Variants in OMA1 observed in about 807,000 individuals in gnomAD.
OMA1 encodes the protein metalloendopeptidase OMA1, mitochondrial.
In OMA1, 38 loss-of-function variants were observed where a neutral mutation model predicts 30.9. The observed-to-expected ratio is 1.23, with a 90% CI of 0.95 to 1.61. The LOEUF (loss-of-function observed/expected upper bound fraction) is 1.61. Among genes scored for constraint, OMA1 ranks in the 40% most tolerant of loss-of-function variants. The probability of loss-of-function intolerance (pLI) is 0.00; values close to 1 mark genes in which losing one functional copy is unlikely to be tolerated. For missense variants in OMA1, 461 were observed against 349.2 expected (o/e 1.32, Z -2.55); for synonymous variants, 173 against 121.9 (o/e 1.42, Z -2.76).
intron 7 of OMA1, among the ~76,000 whole-genome samples, chr1:58,512,679 G>T (rs1341088332): frequency 6.6e-6 from 1 of 152,190 alleles, no homozygotes. Context: ...CCACTTACAT[G>T]TGGTATGTAT....
chr1:58,530,783 G>A (rs1019702811), intron 5 of OMA1, 54 bp from the exon 6 acceptor site: 1 of 828,280 alleles, frequency 1.2e-6, no homozygotes, highest in African/African-American at 1.7e-5. Context: ...GACAGTATAT[G>A]CTTACATTTT....
At chr1:58,509,065 A>T (rs1646032851) in intron 7 of OMA1, among the ~76,000 whole-genome samples, 1 of 152,162 alleles carries the variant, frequency 6.6e-6, no homozygotes, top group Admixed American at 6.5e-5. Flanking sequence ...TGCTGTGCTG[A>T]CTGGTGAAGA....
chr1:58,533,510 A>G (rs984745415), intron 5 of OMA1, among the ~76,000 whole-genome samples: 1 of 152,198 alleles, frequency 6.6e-6, no homozygotes, highest in Non-Finnish European at 1.5e-5. Context: ...TACACATGAC[A>G]CATCATTCTA....
At chr1:58,488,799 C>G (rs1385068639) in intron 8 of OMA1, among the ~76,000 whole-genome samples, 1 of 152,224 alleles carries the variant, frequency 6.6e-6, no homozygotes, top group Non-Finnish European at 1.5e-5. Context: ...TTCCCCTGAG[C>G]CCCCAAAGTC....
intron 3 of OMA1, among the ~76,000 whole-genome samples, chr1:58,536,081 A>G (rs933861061): frequency 1.3e-5 from 2 of 152,164 alleles, no homozygotes; most frequent in African/African-American, 4.8e-5. Context: ...TGTTACTCTC[A>G]TGAGTGCTTT....
Position 58,499,252 on chromosome 1 carries a change from G to C in OMA1, c.1365+6808C>G, listed in dbSNP as rs116781756. 4.2e-3 allele frequency among the ~76,000 whole-genome samples: 630 copies of C among 149,752 alleles called. 6 individuals carry two copies. Among genetic ancestry groups the C allele is most frequent in the African/African-American group, 0.015 (602 of 40,554 alleles). On this transcript the variant is annotated intron_variant, in intron 8 of 8. Transcript: ENST00000371226. Reference sequence around the variant, plus strand: ...GGGGATCGGGGAGTAGGAATCAGGAGGTGTTGGTCAAAAAGTATGAAGTTT... The same window carrying C: ...GGGGATCGGGGAGTAGGAATCAGGACGTGTTGGTCAAAAAGTATGAAGTTT...
At chr1:58,522,080 T>C (rs1646273533) in intron 7 of OMA1, among the ~76,000 whole-genome samples, 1 of 152,070 alleles carries the variant, frequency 6.6e-6, no homozygotes, top group Non-Finnish European at 1.5e-5. Context: ...TCCCCAAAAA[T>C]GCAACTTAAC....
At chr1:58,511,636 AAC>A (rs371601891) in intron 7 of OMA1, among the ~76,000 whole-genome samples, 3 of 150,956 alleles carry the variant, frequency 2.0e-5, no homozygotes, top group Admixed American at 6.6e-5. Context: ...CTCAAAAACG[AAC>A]ACACACACAC....
At position 58,524,355 on chromosome 1, in the gene OMA1, A is replaced by T. The variant is rs529312736; in HGVS notation, c.1215+2906T>A. 2.0e-5 allele frequency among the ~76,000 whole-genome samples: 3 copies of T among 152,296 alleles called. No individual in the cohort carries two copies. The East Asian group carries it at 5.8e-4, about 29-fold the overall frequency. On this transcript the variant is annotated intron_variant, in intron 7 of 8. Transcript: ENST00000371226. ...CTGTTATCTTGACATTTTTAAGCCA[A>T]ATCTCTAAAACTATCAAACCATCCT...
intron 7 of OMA1, among the ~76,000 whole-genome samples, chr1:58,521,690 A>C (rs978422948): frequency 9.9e-5 from 15 of 152,264 alleles, no homozygotes; most frequent in African/African-American, 3.6e-4. Context: ...AAATTCCTAG[A>C]AAAACTACAA....
intron 8 of OMA1, among the ~76,000 whole-genome samples, chr1:58,502,420 T>A (rs867075461): frequency 3.9e-5 from 6 of 152,224 alleles, no homozygotes; most frequent in Admixed American, 2.0e-4. Flanking sequence ...TTGCTTCAAC[T>A]ATCACTTCTT....
intron 7 of OMA1, among the ~76,000 whole-genome samples, chr1:58,513,644 A>C (rs2100433408): frequency 6.6e-6 from 1 of 152,336 alleles, no homozygotes; most frequent in South Asian, 2.1e-4. Context: ...GAGAGACTAC[A>C]GGTTTTAGAA....
At chr1:58,513,851 C>A (rs1194199516) in intron 7 of OMA1, among the ~76,000 whole-genome samples, 3 of 152,130 alleles carry the variant, frequency 2.0e-5, no homozygotes, top group African/African-American at 7.2e-5. Context: ...AAACCAAGAT[C>A]CATGGTGACT....
At chr1:58,543,310 G>T (rs1460809563) in intron 1 of OMA1, among the ~76,000 whole-genome samples, 1 of 152,200 alleles carries the variant, frequency 6.6e-6, no homozygotes. Context: ...GGAACTAGCT[G>T]AGGGTTCCTC....
At chr1:58,514,817 A>C (rs17117627) in intron 7 of OMA1, among the ~76,000 whole-genome samples, 17,686 of 152,138 alleles carry the variant, frequency 0.12, 1,224 homozygotes, top group African/African-American at 0.18. Context: ...AGGCAAATAT[A>C]AGATGGAAAG....
chr1:58,496,702 C>A (rs1296733441), intron 8 of OMA1, among the ~76,000 whole-genome samples: 2 of 152,130 alleles, frequency 1.3e-5, no homozygotes, highest in Admixed American at 6.5e-5. Flanking sequence ...AACTCTTGTA[C>A]ACTTACCGTT....
chr1:58,521,929 A>C (rs1305629535), intron 7 of OMA1, among the ~76,000 whole-genome samples: 1 of 152,226 alleles, frequency 6.6e-6, no homozygotes, highest in Admixed American at 6.5e-5. Context: ...CATAACTTTG[A>C]TTCCAAAACC....
chr1:58,494,088 G>A (rs1300706112), intron 8 of OMA1, among the ~76,000 whole-genome samples: 1 of 152,156 alleles, frequency 6.6e-6, no homozygotes. Context: ...CATTGGAACA[G>A]AACAGAGCCC....
intron 8 of OMA1, among the ~76,000 whole-genome samples, chr1:58,499,541 A>C (rs1281659373): frequency 7.9e-6 from 1 of 125,880 alleles, no homozygotes; most frequent in East Asian, 2.5e-4. Context: ...AAAAAGTATA[A>C]ACTTTCAGTC....
Sources: allele counts gnomAD v4.1 joint callset (sites outside exome capture counted in the v4.1 genomes callset), GRCh38; gene constraint gnomAD v4.1.1; transcripts MANE v1.5; gene names NCBI Gene and HGNC (gene_info 2026-07-23, HGNC 2026-07-21).